The following MGAT4C variants were observed in gnomAD, a reference collection of about 807,000 sequenced individuals.
MGAT4C encodes alpha-1,3-mannosyl-glycoprotein 4-beta-N-acetylglucosaminyltransferase C.
Under a neutral mutation model 40.1 loss-of-function variants are expected in MGAT4C, and 19 were observed. The ratio of observed to expected loss-of-function variants is 0.47; its 90% CI spans 0.33 to 0.70. MGAT4C has a LOEUF of 0.70. Among genes scored for constraint, MGAT4C ranks in the 30% least tolerant of loss-of-function variants. MGAT4C has a pLI of 0.02. For synonymous variants in MGAT4C, 181 were observed against 187.1 expected, an observed-to-expected ratio of 0.97 and a Z score of 0.27; for missense variants, 491 against 563.2, an observed-to-expected ratio of 0.87 and a Z score of 1.30.
At chr12:86,418,046 T>C (rs1432509873) in intron 3 of MGAT4C, among the ~76,000 whole-genome samples, 2 of 152,310 alleles carry the variant, frequency 1.3e-5, no homozygotes, top group East Asian at 3.9e-4. Flanking sequence ...ATAAGTATAT[T>C]ATTTGAATAA....
chr12:86,465,963 C>T (rs1198638105), intron 2 of MGAT4C, among the ~76,000 whole-genome samples: 3 of 152,124 alleles, frequency 2.0e-5, no homozygotes, highest in South Asian at 2.1e-4. Flanking sequence ...AATCCCAGCT[C>T]TTTGGGAGGC....
chr12:86,375,524 A>C (rs1446562807), intron 3 of MGAT4C, among the ~76,000 whole-genome samples: 4 of 152,002 alleles, frequency 2.6e-5, no homozygotes, highest in Non-Finnish European at 5.9e-5. Context: ...AAGTTTTGGA[A>C]TTTTTAGAGA....
rs984814884 is a variant in MGAT4C, at chr12:86,695,716, AAT to A, written c.-229+31491_-229+31492del. On this transcript the variant is annotated intron_variant, in intron 2 of 7. Transcript: ENST00000548651. The stretch of plus-strand genomic sequence containing the variant: ...TTCTCACTTATTTGTGGGATCTAAA[AAT>A]CAAAACAATCGAACTCATCGACACA... Among the ~76,000 whole-genome samples, 27 of 152,240 alleles carry A rather than the reference AAT, an allele frequency of 1.8e-4. 1 individual carries two copies. Among genetic ancestry groups the A allele is most frequent in the Non-Finnish European group, 3.5e-4 (24 of 68,008 alleles).
At chr12:86,615,535 A>G (rs565911589) in intron 2 of MGAT4C, among the ~76,000 whole-genome samples, 19 of 152,052 alleles carry the variant, frequency 1.2e-4, no homozygotes, top group Non-Finnish European at 2.8e-4. Flanking sequence ...ATATTTTGTT[A>G]AGAAAAAAAC....
intron 2 of MGAT4C, among the ~76,000 whole-genome samples, chr12:86,047,099 T>C (rs1208497581): frequency 6.6e-6 from 1 of 151,984 alleles, no homozygotes; most frequent in Non-Finnish European, 1.5e-5. Context: ...CCCTTTGGAG[T>C]CCTTAATGAT....
chr12:86,463,308 A>G (rs1173871065), intron 2 of MGAT4C, among the ~76,000 whole-genome samples: 1 of 152,176 alleles, frequency 6.6e-6, no homozygotes, highest in African/African-American at 2.4e-5. Context: ...TACCAGCTAT[A>G]GTCTTTTGCT....
chr12:86,029,861 A>G (rs368744006), intron 2 of MGAT4C, among the ~76,000 whole-genome samples: 338 of 151,954 alleles, frequency 2.2e-3, no homozygotes, highest in African/African-American at 7.6e-3. Context: ...TACAGAGGAG[A>G]AAGTGTCTGG....
chr12:86,464,138 G>T (rs1189526365), intron 2 of MGAT4C, among the ~76,000 whole-genome samples: 1 of 152,042 alleles, frequency 6.6e-6, no homozygotes, highest in Admixed American at 6.5e-5. Context: ...GTGAGGAGTA[G>T]CTTTACATTA....
intron 3 of MGAT4C, among the ~76,000 whole-genome samples, chr12:85,986,987 G>A (rs1482240200): frequency 2.0e-5 from 3 of 151,982 alleles, no homozygotes; most frequent in African/African-American, 4.8e-5. Context: ...AAAAACATCC[G>A]TCAGTAAATA....
chr12:86,455,452 T>C (rs893279686), intron 2 of MGAT4C, among the ~76,000 whole-genome samples: 7 of 152,142 alleles, frequency 4.6e-5, no homozygotes, highest in African/African-American at 1.7e-4. Context: ...TTTTATGTTA[T>C]AGAAAAGTGG....
In MGAT4C at chr12:86,751,847, T is replaced by C. The variant is rs531780029; in HGVS notation, c.-261-24606A>G. Reference sequence around the variant, plus strand: ...TTGCTATAAAATGTGATAATACTATTATAATAAGGAAATAGAAGAGTATAT... The same window carrying C: ...TTGCTATAAAATGTGATAATACTATCATAATAAGGAAATAGAAGAGTATAT... On this transcript the variant is annotated intron_variant, in intron 1 of 7. Coordinates refer to the MGAT4C transcript ENST00000548651. Among the ~76,000 whole-genome samples, 4 of 152,188 alleles carry C rather than the reference T, an allele frequency of 2.6e-5. No individual in the cohort carries two copies. In the South Asian group the frequency reaches 8.3e-4, roughly 32 times the overall value.
intron 2 of MGAT4C, among the ~76,000 whole-genome samples, chr12:86,442,821 T>C (rs1308645284): frequency 6.6e-6 from 1 of 152,036 alleles, no homozygotes; most frequent in Non-Finnish European, 1.5e-5. Context: ...AATTGTTGTT[T>C]TATTTTCACA....
At chr12:86,469,942 A>G (rs1957734933) in intron 2 of MGAT4C, among the ~76,000 whole-genome samples, 1 of 152,070 alleles carries the variant, frequency 6.6e-6, no homozygotes, top group South Asian at 2.1e-4. Context: ...TTTTCTCAGT[A>G]TTTTTATTTC....
chr12:86,762,544 C>T (rs1182383697), intron 1 of MGAT4C, among the ~76,000 whole-genome samples: 1 of 152,122 alleles, frequency 6.6e-6, no homozygotes, highest in Non-Finnish European at 1.5e-5. Flanking sequence ...ACTTTCAGAC[C>T]AACAAGGGAC....
chr12:86,527,375 C>A (rs1444544026), intron 2 of MGAT4C, among the ~76,000 whole-genome samples: 1 of 152,134 alleles, frequency 6.6e-6, no homozygotes, highest in Non-Finnish European at 1.5e-5. Flanking sequence ...TATGCAAGTA[C>A]AACACCATTT....
At chr12:86,668,044 C>T (rs1463652443) in intron 2 of MGAT4C, among the ~76,000 whole-genome samples, 1 of 152,128 alleles carries the variant, frequency 6.6e-6, no homozygotes, top group Non-Finnish European at 1.5e-5. Context: ...AATTTAGTGA[C>T]AAATAAAAGA....
chr12:86,456,662 G>A (rs1473357616), intron 2 of MGAT4C, among the ~76,000 whole-genome samples: 2 of 151,968 alleles, frequency 1.3e-5, no homozygotes, highest in African/African-American at 2.4e-5. Context: ...AGGATATGTC[G>A]ACTTTAGCTA....
intron 1 of MGAT4C, among the ~76,000 whole-genome samples, chr12:86,791,881 G>GAA (rs1381408932): frequency 1.3e-5 from 2 of 152,180 alleles, no homozygotes; most frequent in African/African-American, 4.8e-5. Flanking sequence ...CATGGCTGGG[G>GAA]AAAAGCGCAG....
At chr12:86,722,683 A>C (rs1170066669) in intron 2 of MGAT4C, among the ~76,000 whole-genome samples, 1 of 152,188 alleles carries the variant, frequency 6.6e-6, no homozygotes, top group Non-Finnish European at 1.5e-5. Context: ...TTGTTACTAA[A>C]AGATTCTACA....
Sources: gnomAD v4.1 joint callset for allele counts (sites outside exome capture counted in the v4.1 genomes callset) on GRCh38, gnomAD v4.1.1 for gene constraint, MANE v1.5 for transcripts, NCBI Gene and HGNC (gene_info 2026-07-23, HGNC 2026-07-21) for gene names.